The following DLG2 variants were observed in gnomAD, a reference collection of about 807,000 sequenced individuals.
The protein encoded by DLG2 is discs large MAGUK scaffold protein 2, also known as disks large homolog 2.
A neutral mutation model predicts 132.5 loss-of-function variants in DLG2; 45 were observed. The observed-to-expected ratio is 0.34, with a 90% CI of 0.27 to 0.44. The LOEUF (loss-of-function observed/expected upper bound fraction) is 0.44. DLG2 is among the 20% of genes least tolerant of loss of function. The pLI is 1.00. For missense variants in DLG2, 1,045 were observed against 1,196.9 expected (o/e 0.87, Z 1.87); for synonymous variants, 424 against 419.6 (o/e 1.01, Z -0.13).
chr11:85,503,190 T>C (rs555158003), intron 3 of DLG2, among the ~76,000 whole-genome samples: 1 of 152,264 alleles, frequency 6.6e-6, no homozygotes, highest in Non-Finnish European at 1.5e-5. Flanking sequence ...AATTACACTG[T>C]ACCATTATAT....
At chr11:84,682,947 A>T (rs1186349297) in intron 6 of DLG2, among the ~76,000 whole-genome samples, 1 of 152,202 alleles carries the variant, frequency 6.6e-6, no homozygotes, top group East Asian at 1.9e-4. Context: ...AAACAGGCCA[A>T]ATTTCTCAGC....
chr11:85,618,269 A>G (rs962472079), intron 2 of DLG2, among the ~76,000 whole-genome samples: 4 of 151,936 alleles, frequency 2.6e-5, no homozygotes, highest in African/African-American at 4.8e-5. Context: ...CCTTATCCCA[A>G]TCAAAAAAAA....
At chr11:84,823,837 A>T (rs566486537) in intron 6 of DLG2, among the ~76,000 whole-genome samples, 1 of 152,024 alleles carries the variant, frequency 6.6e-6, no homozygotes, top group Non-Finnish European at 1.5e-5. Context: ...TGAATGAATA[A>T]ACCACACAAA....
At chr11:83,949,930 T>C (rs1005023506) in intron 14 of DLG2, among the ~76,000 whole-genome samples, 1 of 152,176 alleles carries the variant, frequency 6.6e-6, no homozygotes, top group Non-Finnish European at 1.5e-5. Flanking sequence ...TTAATCACCA[T>C]AAGTTTTATA....
At chr11:84,133,793 A>G (rs546184577) in intron 9 of DLG2, among the ~76,000 whole-genome samples, 1 of 152,096 alleles carries the variant, frequency 6.6e-6, no homozygotes, top group African/African-American at 2.4e-5. Context: ...AAGAAGACAT[A>G]TTTTGTTCAA....
In DLG2 at chr11:83,980,561, T is replaced by A. The variant is rs775904522; in HGVS notation, c.1001A>T (p.Asp334Val). The change falls in exon 12 of 28, where the codon GAT becomes GTT. Residue 334 changes from aspartate (D) to valine (V), a missense_variant. Transcript: ENST00000376104. Reference protein sequence around the residue: ...DNSIYVTKIIDGGAAQKDGRL... With the variant: ...DNSIYVTKIIVGGAAQKDGRL... ...TCCATCTTTTTGTGCAGCTCCTCCA[T>A]CTATAATTTTAGTTACATAAATGCT... 1 of 1,613,860 alleles carries A rather than the reference T, an allele frequency of 6.2e-7. No homozygotes were observed. Among genetic ancestry groups the A allele is most frequent in the Non-Finnish European group, 8.5e-7 (1 of 1,179,844 alleles).
At chr11:83,534,508 A>G (rs1463325232) in intron 20 of DLG2, among the ~76,000 whole-genome samples, 3 of 152,218 alleles carry the variant, frequency 2.0e-5, no homozygotes, top group African/African-American at 4.8e-5. Context: ...TGTGTTCCCA[A>G]CTGAAACACA....
intron 6 of DLG2, among the ~76,000 whole-genome samples, chr11:84,955,014 C>T (rs2051454673): frequency 6.6e-6 from 1 of 152,154 alleles, no homozygotes; most frequent in South Asian, 2.1e-4. Flanking sequence ...ACCCTTGAAG[C>T]ATGACAACAA....
chr11:84,215,791 A>G (rs2096828339), intron 8 of DLG2, among the ~76,000 whole-genome samples: 1 of 152,196 alleles, frequency 6.6e-6, no homozygotes, highest in Non-Finnish European at 1.5e-5. Context: ...ATCACTGGTC[A>G]TGAACAGGTC....
chr11:84,603,624 C>G (rs1340222889), intron 6 of DLG2, among the ~76,000 whole-genome samples: 5 of 151,958 alleles, frequency 3.3e-5, no homozygotes, highest in African/African-American at 1.2e-4. Flanking sequence ...TCCTAGTTCT[C>G]AATCTCTGAA....
chr11:84,590,621 A>C (rs2099540559), intron 6 of DLG2, among the ~76,000 whole-genome samples: 1 of 152,162 alleles, frequency 6.6e-6, no homozygotes, highest in Non-Finnish European at 1.5e-5. Flanking sequence ...ATCTAATTCC[A>C]AACACTATGA....
At chr11:83,749,877 A>G (rs1487683899) in intron 18 of DLG2, among the ~76,000 whole-genome samples, 2 of 152,236 alleles carry the variant, frequency 1.3e-5, no homozygotes, top group African/African-American at 4.8e-5. Flanking sequence ...CTCATAAGAT[A>G]AAATAAGTGA....
chr11:83,924,662 C>A (rs12420451), intron 15 of DLG2, among the ~76,000 whole-genome samples: 11,949 of 152,092 alleles, frequency 0.079, 667 homozygotes, highest in Non-Finnish European at 0.12. Context: ...TTCTTTAATA[C>A]AAATTAAAAT....
chr11:83,534,000 G>C (rs573322108), intron 20 of DLG2, among the ~76,000 whole-genome samples: 5 of 152,272 alleles, frequency 3.3e-5, no homozygotes, highest in African/African-American at 1.2e-4. Flanking sequence ...ATGATAGTGG[G>C]GTGGAGAAGA....
At chr11:83,906,232 G>GTCTCTCTCTCTC (rs144862801) in intron 15 of DLG2, among the ~76,000 whole-genome samples, 22 of 71,674 alleles carry the variant, frequency 3.1e-4, no homozygotes, top group African/African-American at 7.5e-4. Flanking sequence ...TATAGTAGAT[G>GTCTCTCTCTCTC]TCTCTCTCTC....
At chr11:83,829,462 G>A (rs994460492) in intron 17 of DLG2, among the ~76,000 whole-genome samples, 1 of 152,140 alleles carries the variant, frequency 6.6e-6, no homozygotes, top group Non-Finnish European at 1.5e-5. Flanking sequence ...CTCCCAAAGT[G>A]CTGGGATTAT....
At chr11:85,012,025 T>C (rs1399178283) in intron 6 of DLG2, among the ~76,000 whole-genome samples, 2 of 152,120 alleles carry the variant, frequency 1.3e-5, no homozygotes, top group Admixed American at 6.6e-5. Context: ...AAACAGATCA[T>C]TAAAATACAA....
chr11:83,630,047 C>G (rs918344678), intron 19 of DLG2, among the ~76,000 whole-genome samples: 3 of 152,094 alleles, frequency 2.0e-5, no homozygotes, highest in Non-Finnish European at 4.4e-5. Context: ...ATAATCAGTT[C>G]CACTTGCACA....
intron 7 of DLG2, among the ~76,000 whole-genome samples, chr11:84,418,076 C>G (rs1467684494): frequency 1.3e-5 from 2 of 152,182 alleles, no homozygotes; most frequent in Non-Finnish European, 2.9e-5. Context: ...TGAGTTTGCT[C>G]TTTGACCATA....
Sources: gnomAD v4.1 joint callset for allele counts (sites outside exome capture counted in the v4.1 genomes callset) on GRCh38, gnomAD v4.1.1 for gene constraint, MANE v1.5 for transcripts, NCBI Gene and HGNC (gene_info 2026-07-23, HGNC 2026-07-21) for gene names.